GALNTL6: variants seen among roughly 807,000 people sequenced by gnomAD.
The protein encoded by GALNTL6 is polypeptide N-acetylgalactosaminyltransferase-like 6.
In GALNTL6, 46 loss-of-function variants were observed where a neutral mutation model predicts 73.7. The ratio of observed to expected loss-of-function variants is 0.62; its 90% CI spans 0.49 to 0.80. GALNTL6 has a LOEUF of 0.80. Ranked by LOEUF, GALNTL6 falls within the 30% of genes least tolerant of loss-of-function variation. GALNTL6 has a pLI of 0.00. For synonymous variants in GALNTL6, 259 were observed against 263.7 expected (o/e 0.98, Z 0.17); for missense variants, 604 against 755.0 (o/e 0.80, Z 2.34).
intron 7 of GALNTL6, among the ~76,000 whole-genome samples, chr4:172,829,138 A>G (rs1213936157): frequency 2.0e-5 from 3 of 152,228 alleles, no homozygotes; most frequent in African/African-American, 7.2e-5. Flanking sequence ...GAAGAGTTAC[A>G]ACACAGGACA....
At position 172,381,000 on chromosome 4, in the gene GALNTL6, A is replaced by G. The variant is rs540169591; in HGVS notation, c.553+32311A>G. Reference sequence around the variant, plus strand: ...TTTTAACAGTTTGTGCTCCTGTCATACTTTGAACTGTAAATTTTATTCAGC... The same window carrying G: ...TTTTAACAGTTTGTGCTCCTGTCATGCTTTGAACTGTAAATTTTATTCAGC... On this transcript the variant is annotated intron_variant, in intron 5 of 12. Coordinates refer to ENST00000506823, the MANE Select transcript of GALNTL6 (RefSeq NM_001034845.3). Among the ~76,000 whole-genome samples, 13 of 152,364 alleles carry G rather than the reference A, an allele frequency of 8.5e-5. No homozygotes were observed. In the East Asian group the frequency reaches 1.9e-3, roughly 23 times the overall value.
intron 2 of GALNTL6, among the ~76,000 whole-genome samples, chr4:171,847,921 T>C (rs1225783417): frequency 6.6e-6 from 1 of 152,186 alleles, no homozygotes; most frequent in Non-Finnish European, 1.5e-5. Flanking sequence ...TGACATTACC[T>C]TCTCCCATGA....
intron 2 of GALNTL6, among the ~76,000 whole-genome samples, chr4:172,150,431 G>C (rs1275911547): frequency 1.3e-5 from 2 of 152,182 alleles, no homozygotes; most frequent in African/African-American, 4.8e-5. Context: ...AATGCTAAGA[G>C]AGAAGAGAAA....
intron 7 of GALNTL6, among the ~76,000 whole-genome samples, chr4:172,852,647 A>G (rs758801026): frequency 5.3e-5 from 8 of 152,112 alleles, no homozygotes; most frequent in Non-Finnish European, 1.2e-4. Flanking sequence ...TAGAGATAGT[A>G]AGTGATAATA....
chr4:172,978,128 T>A (rs1750911867), intron 10 of GALNTL6, among the ~76,000 whole-genome samples: 2 of 152,294 alleles, frequency 1.3e-5, no homozygotes, highest in African/African-American at 4.8e-5. Context: ...TGTGTGAGTG[T>A]GGTTTTACTA....
chr4:172,200,507 C>T (rs113014895), intron 2 of GALNTL6, among the ~76,000 whole-genome samples: 5 of 152,240 alleles, frequency 3.3e-5, no homozygotes, highest in African/African-American at 1.2e-4. Flanking sequence ...CAAGTGGCAC[C>T]AGAAAATATT....
intron 2 of GALNTL6, among the ~76,000 whole-genome samples, chr4:172,204,443 A>G (rs958779863): frequency 6.6e-6 from 1 of 152,172 alleles, no homozygotes; most frequent in African/African-American, 2.4e-5. Flanking sequence ...GTCTCCTTCA[A>G]TCCTCACATT....
intron 10 of GALNTL6, among the ~76,000 whole-genome samples, chr4:172,955,461 GA>G (rs569678655): frequency 1.4e-3 from 185 of 136,438 alleles, no homozygotes; most frequent in South Asian, 0.013. Flanking sequence ...AAAATAAAAA[GA>G]AAAAAAAAAG....
At chr4:172,683,221 C>T (rs1051318585) in intron 5 of GALNTL6, among the ~76,000 whole-genome samples, 1 of 152,110 alleles carries the variant, frequency 6.6e-6, no homozygotes, top group African/African-American at 2.4e-5. Flanking sequence ...TCTGTCATGT[C>T]ATCTAAAAGA....
chr4:172,995,132 A>G (rs1017434564), intron 10 of GALNTL6, among the ~76,000 whole-genome samples: 3 of 152,210 alleles, frequency 2.0e-5, no homozygotes, highest in Non-Finnish European at 2.9e-5. Flanking sequence ...TCTTAGATTT[A>G]TTGGCAATTC....
chr4:172,529,539 C>A (rs1490611438), intron 5 of GALNTL6, among the ~76,000 whole-genome samples: 1 of 151,952 alleles, frequency 6.6e-6, no homozygotes, highest in Non-Finnish European at 1.5e-5. Flanking sequence ...AGAATATATC[C>A]TCCAGTAATT....
intron 5 of GALNTL6, among the ~76,000 whole-genome samples, chr4:172,593,154 T>C (rs995831766): frequency 2.0e-5 from 3 of 152,232 alleles, no homozygotes; most frequent in Non-Finnish European, 4.4e-5. Context: ...ATCTTTATAA[T>C]GGCCTGCTGG....
intron 8 of GALNTL6, among the ~76,000 whole-genome samples, chr4:172,889,954 T>C (rs571141792): frequency 2.6e-5 from 4 of 152,294 alleles, no homozygotes; most frequent in African/African-American, 9.6e-5. Flanking sequence ...CTATTCAGTA[T>C]CTCAATTTCT....
At chr4:172,316,107 C>A (rs1218355021) in intron 4 of GALNTL6, among the ~76,000 whole-genome samples, 1 of 151,918 alleles carries the variant, frequency 6.6e-6, no homozygotes, top group Non-Finnish European at 1.5e-5. Context: ...CAAAAGTTAT[C>A]ACAAATACCC....
chr4:172,033,249 C>T (rs1741823925), intron 2 of GALNTL6, among the ~76,000 whole-genome samples: 2 of 151,950 alleles, frequency 1.3e-5, no homozygotes, highest in South Asian at 4.1e-4. Context: ...GTAACATTCA[C>T]TATATGTAAC....
intron 5 of GALNTL6, among the ~76,000 whole-genome samples, chr4:172,397,217 ACT>A (rs1156957595): frequency 1.3e-5 from 2 of 152,014 alleles, no homozygotes; most frequent in Non-Finnish European, 2.9e-5. Flanking sequence ...ATTACATATG[ACT>A]CTATTTGGGG....
chr4:172,611,598 T>G (rs1314664678), intron 5 of GALNTL6, among the ~76,000 whole-genome samples: 1 of 152,060 alleles, frequency 6.6e-6, no homozygotes, highest in Non-Finnish European at 1.5e-5. Flanking sequence ...TAGTTATCTT[T>G]GAAATTTTTT....
intron 5 of GALNTL6, among the ~76,000 whole-genome samples, chr4:172,658,249 G>A (rs1314700475): frequency 3.4e-5 from 5 of 148,418 alleles, no homozygotes; most frequent in South Asian, 2.1e-4. Flanking sequence ...GGTGGATCAC[G>A]AAGTCAGGAG....
chr4:172,801,728 C>T (rs1054593203), intron 5 of GALNTL6, among the ~76,000 whole-genome samples: 2 of 152,196 alleles, frequency 1.3e-5, no homozygotes, highest in Non-Finnish European at 1.5e-5. Context: ...ATATTTTCTC[C>T]AGAACTATTA....
Sources: allele counts gnomAD v4.1 joint callset (sites outside exome capture counted in the v4.1 genomes callset), GRCh38; gene constraint gnomAD v4.1.1; transcripts MANE v1.5; gene names NCBI Gene and HGNC (gene_info 2026-07-23, HGNC 2026-07-21).